MCCC2: variants seen among roughly 807,000 people sequenced by gnomAD.
The protein encoded by MCCC2 is methylcrotonyl-CoA carboxylase subunit 2, also known as methylcrotonoyl-CoA carboxylase beta chain, mitochondrial.
In MCCC2, 52 loss-of-function variants were observed where a neutral mutation model predicts 77.2. The observed-to-expected ratio is 0.67, with a 90% confidence interval of 0.54 to 0.85. The LOEUF (loss-of-function observed/expected upper bound fraction) is 0.85. MCCC2 is among the 40% of genes least tolerant of loss of function. The pLI, the probability that MCCC2 is intolerant of heterozygous loss-of-function variation, is 0.00. For synonymous variants in MCCC2, 253 were observed against 248.4 expected (o/e 1.02, Z -0.18); for missense variants, 682 against 703.2 (o/e 0.97, Z 0.34).
intron 13 of MCCC2, among the ~76,000 whole-genome samples, chr5:71,646,988 G>C (rs562581819): frequency 6.6e-6 from 1 of 152,302 alleles, no homozygotes; most frequent in Non-Finnish European, 1.5e-5. Flanking sequence ...TGACCAAAGT[G>C]AGATATGTCA....
chr5:71,626,407 G>A (rs1243036183), intron 6 of MCCC2, among the ~76,000 whole-genome samples: 2 of 152,178 alleles, frequency 1.3e-5, no homozygotes, highest in East Asian at 1.9e-4. Flanking sequence ...CTCTGACAGG[G>A]AGATTGTCCA....
At chr5:71,625,276 A>G (rs1746498959) in intron 6 of MCCC2, among the ~76,000 whole-genome samples, 1 of 152,222 alleles carries the variant, frequency 6.6e-6, no homozygotes, top group African/African-American at 2.4e-5. Context: ...GTTCTGGTAC[A>G]GAGAACAGGA....
chr5:71,627,617 A>G (rs1264686576), intron 7 of MCCC2, among the ~76,000 whole-genome samples: 1 of 152,192 alleles, frequency 6.6e-6, no homozygotes, highest in Non-Finnish European at 1.5e-5. Context: ...ATCATGTGGT[A>G]GCTGTGTTTA....
intron 6 of MCCC2, among the ~76,000 whole-genome samples, chr5:71,613,469 G>A (rs895897326): frequency 1.3e-5 from 2 of 152,222 alleles, no homozygotes; most frequent in African/African-American, 4.8e-5. Context: ...CTGAATGACT[G>A]TCTTCCTTTT....
rs56007073 is a variant in MCCC2 at position 71,644,072 on chromosome 5, C to T, written c.1149+177C>T. Among the ~76,000 whole-genome samples the T allele has an allele frequency of 0.79, 109,021 of 138,842 alleles. 42,329 individuals carry two copies. Among genetic ancestry groups the T allele is most frequent in the East Asian group, 0.97 (4,938 of 5,080 alleles). The allele number at this position is 138,842 out of a possible 152,430, so 91.1% of individuals were successfully genotyped here. A position where few individuals can be genotyped will look rare whatever the true frequency, so the allele number is the denominator to read the frequency against. On this transcript the variant is annotated intron_variant, in intron 12 of 16. Coordinates refer to ENST00000340941, the MANE Select transcript of MCCC2 (RefSeq NM_022132.5). Reference sequence around the variant, plus strand: ...GTGTGTGTGTGTGTGTGTGTGTGTGCGCGCGTGTGTATATATGTGCATGTA... The same window carrying T: ...GTGTGTGTGTGTGTGTGTGTGTGTGTGCGCGTGTGTATATATGTGCATGTA...
chr5:71,604,561 G>C, intron 6 of MCCC2, 93 bp downstream of exon 6: 2 of 892,984 alleles, frequency 2.2e-6, no homozygotes, highest in Non-Finnish European at 3.6e-6. Flanking sequence ...AAGTAAAACA[G>C]AATTTAACAC....
intron 8 of MCCC2, 86 bp downstream of exon 8, chr5:71,632,271 T>C: frequency 7.8e-7 from 1 of 1,275,746 alleles, no homozygotes; most frequent in Admixed American, 1.7e-5. Flanking sequence ...TTGTTTCCAG[T>C]GCTAAACTTG....
intron 2 of MCCC2, among the ~76,000 whole-genome samples, chr5:71,594,251 A>G (rs1183765895): frequency 6.6e-6 from 1 of 152,130 alleles, no homozygotes; most frequent in African/African-American, 2.4e-5. Flanking sequence ...TTTTGGGGCC[A>G]GGCACAGTGG....
At chr5:71,637,441 C>A (rs990176284) in intron 10 of MCCC2, among the ~76,000 whole-genome samples, 4 of 152,168 alleles carry the variant, frequency 2.6e-5, no homozygotes, top group African/African-American at 7.2e-5. Flanking sequence ...GAGCACCTTG[C>A]CTTTAAAAAG....
chr5:71,629,893 G>T (rs1274286346), intron 7 of MCCC2, among the ~76,000 whole-genome samples: 1 of 151,992 alleles, frequency 6.6e-6, no homozygotes, highest in African/African-American at 2.4e-5. Flanking sequence ...TTTATTTTTT[G>T]ACTAGAAAAT....
intron 11 of MCCC2, among the ~76,000 whole-genome samples, chr5:71,642,816 G>A (rs1282311751): frequency 6.6e-6 from 1 of 152,134 alleles, no homozygotes; most frequent in African/African-American, 2.4e-5. Context: ...ATCAAATCAG[G>A]GTTTCATTGT....
At chr5:71,613,390 G>A (rs1376674583) in intron 6 of MCCC2, among the ~76,000 whole-genome samples, 2 of 152,196 alleles carry the variant, frequency 1.3e-5, no homozygotes, top group Non-Finnish European at 2.9e-5. Flanking sequence ...AATCAAAAGT[G>A]TACTTACTTC....
intron 12 of MCCC2, among the ~76,000 whole-genome samples, chr5:71,644,577 A>T (rs1328955239): frequency 6.6e-6 from 1 of 152,090 alleles, no homozygotes; most frequent in African/African-American, 2.4e-5. Flanking sequence ...ATTTACCTAA[A>T]CTTGGATAAA....
chr5:71,609,729 T>G (rs1015902730), intron 6 of MCCC2, among the ~76,000 whole-genome samples: 1 of 152,078 alleles, frequency 6.6e-6, no homozygotes, highest in African/African-American at 2.4e-5. Flanking sequence ...ATGATAGTGA[T>G]GTACAGATGG....
chr5:71,649,324 AGGTGT>A, intron 14 of MCCC2, 71 bp downstream of exon 14: 3 of 1,430,442 alleles, frequency 2.1e-6, no homozygotes, highest in Non-Finnish European at 2.0e-6. Flanking sequence ...AGTTTATTTC[AGGTGT>A]ATTTGAAATA....
At chr5:71,633,549 G>A (rs1746816125) in intron 8 of MCCC2, among the ~76,000 whole-genome samples, 1 of 133,474 alleles carries the variant, frequency 7.5e-6, no homozygotes, top group Non-Finnish European at 1.7e-5. Flanking sequence ...TGGGGGTGAT[G>A]AATTTTTTTT....
At chr5:71,649,770 A>G (rs1320689642) in intron 14 of MCCC2, among the ~76,000 whole-genome samples, 1 of 152,232 alleles carries the variant, frequency 6.6e-6, no homozygotes, top group Non-Finnish European at 1.5e-5. Context: ...GAGACAGCAC[A>G]TATAACCACT....
intron 3 of MCCC2, among the ~76,000 whole-genome samples, chr5:71,598,003 C>T (rs981729585): frequency 6.6e-6 from 1 of 151,640 alleles, no homozygotes; most frequent in African/African-American, 2.4e-5. Context: ...GTTTCCTCAT[C>T]AGTAAATGAG....
intron 13 of MCCC2, among the ~76,000 whole-genome samples, chr5:71,647,257 G>T (rs189734412): frequency 6.6e-6 from 1 of 152,332 alleles, no homozygotes; most frequent in South Asian, 2.1e-4. Context: ...AGAAGGAAGA[G>T]TCAGGCTCTT....
Sources: allele counts gnomAD v4.1 joint callset (sites outside exome capture counted in the v4.1 genomes callset), GRCh38; gene constraint gnomAD v4.1.1; transcripts MANE v1.5; gene names NCBI Gene and HGNC (gene_info 2026-07-23, HGNC 2026-07-21).